The following POF1B variants were observed in gnomAD, a reference collection of about 807,000 sequenced individuals.
POF1B encodes POF1B actin binding protein.
POF1B carries 53 observed loss-of-function variants against 55.3 expected under a neutral mutation model. That is an observed-to-expected ratio of 0.96 (90% CI 0.77 to 1.20). The LOEUF is 1.20. Ranked by LOEUF, POF1B falls within the 50% of genes most tolerant of loss-of-function variation. The pLI is 0.00. For synonymous variants in POF1B, 188 were observed against 148.3 expected, an observed-to-expected ratio of 1.27 and a Z score of -1.95; for missense variants, 478 against 420.5, an observed-to-expected ratio of 1.14 and a Z score of -1.20.
chrX:85,305,667 T>C, intron 13 of POF1B, 124 bp downstream of exon 13: 1 of 695,598 alleles, frequency 1.4e-6, no homozygotes, highest in Non-Finnish European at 2.1e-6. Context: ...AATGAATACA[T>C]GACATATTTC....
chrX:85,300,530 A>G (rs904084568), intron 15 of POF1B, among the ~76,000 whole-genome samples: 15 of 112,618 alleles, frequency 1.3e-4, no homozygotes, highest in South Asian at 3.7e-4. Context: ...ACTAAGCAAA[A>G]GACAATAACA....
intron 15 of POF1B, among the ~76,000 whole-genome samples, chrX:85,286,215 G>A (rs1044922100): frequency 9.0e-6 from 1 of 111,204 alleles, no homozygotes; most frequent in Non-Finnish European, 1.9e-5. Context: ...TTACAGAGTT[G>A]TTATGCTACA....
chrX:85,324,084 T>A (rs1273819449), intron 7 of POF1B, among the ~76,000 whole-genome samples: 1 of 111,800 alleles, frequency 8.9e-6, no homozygotes, highest in African/African-American at 3.2e-5. Context: ...AAGATTGTAG[T>A]TGTTGTTATT....
chrX:85,323,607 A>C (rs1181242097), intron 7 of POF1B, among the ~76,000 whole-genome samples: 1 of 105,208 alleles, frequency 9.5e-6, no homozygotes, highest in Non-Finnish European at 2.0e-5. Flanking sequence ...ATAATAAAAT[A>C]AAAAATAAAA....
intron 6 of POF1B, among the ~76,000 whole-genome samples, chrX:85,332,642 A>G (rs1218751807): frequency 1.8e-5 from 2 of 111,560 alleles, no homozygotes; most frequent in African/African-American, 6.5e-5. Context: ...AAAACTGTAC[A>G]TTCTAAGGCA....
chrX:85,327,326 T>A (rs1224408063), intron 7 of POF1B, among the ~76,000 whole-genome samples: 1 of 111,475 alleles, frequency 9.0e-6, no homozygotes, highest in Non-Finnish European at 1.9e-5. Context: ...GCCCCCATAA[T>A]ATTTATTTTA....
At chrX:85,377,272 T>A (rs1415269685) in intron 2 of POF1B, among the ~76,000 whole-genome samples, 1 of 111,516 alleles carries the variant, frequency 9.0e-6, no homozygotes, top group Non-Finnish European at 1.9e-5. Context: ...ACAATGCCAT[T>A]CCATCAATAA....
intron 15 of POF1B, among the ~76,000 whole-genome samples, chrX:85,291,484 G>T (rs1289580518): frequency 8.9e-6 from 1 of 112,154 alleles, no homozygotes; most frequent in Admixed American, 9.4e-5. Context: ...GTCAAAGATA[G>T]TTAAATGGAA....
At chrX:85,346,368 G>T (rs1387804810) in intron 5 of POF1B, among the ~76,000 whole-genome samples, 1 of 109,539 alleles carries the variant, frequency 9.1e-6, no homozygotes, top group African/African-American at 3.3e-5. Context: ...TTACTTTGAT[G>T]ATTCAGTAGG....
At chrX:85,361,291 C>G (rs1428096372) in intron 3 of POF1B, among the ~76,000 whole-genome samples, 3 of 110,427 alleles carry the variant, frequency 2.7e-5, no homozygotes, top group African/African-American at 6.6e-5. Context: ...GTTTCTATGT[C>G]CAGAATGGTA....
rs1361070524 is a variant in POF1B, at chrX:85,277,906, C to T, written c.*1515G>A. ...ACATAGTACACTTTTGTTACAGTTA[C>T]ATATATGAATAGTTAGCAGAGGAGA... On this transcript the variant is annotated 3_prime_UTR_variant, in exon 17 of 17. Transcript: ENST00000262753. 9.0e-6 allele frequency: 1 copy of T among 110,873 alleles called. No homozygotes were observed. The highest frequency in any genetic ancestry group is 3.3e-5 in the African/African-American group (1 of 30,542). 9.1% of individuals were successfully genotyped at this position (110,873 alleles called of 1,213,427 possible).
chrX:85,337,010 G>T (rs189021880), intron 6 of POF1B, among the ~76,000 whole-genome samples: 1 of 111,295 alleles, frequency 9.0e-6, no homozygotes, highest in Non-Finnish European at 1.9e-5. Flanking sequence ...CATCCTTTGC[G>T]TATGGATACC....
chrX:85,324,332 G>C (rs183378214), intron 7 of POF1B, among the ~76,000 whole-genome samples: 1 of 110,677 alleles, frequency 9.0e-6, no homozygotes, highest in Admixed American at 9.6e-5. Context: ...GTCTCCCACT[G>C]TTATTGTGTT....
At chrX:85,294,599 A>G (rs1375192915) in intron 15 of POF1B, among the ~76,000 whole-genome samples, 4 of 111,907 alleles carry the variant, frequency 3.6e-5, no homozygotes, top group African/African-American at 9.7e-5. Flanking sequence ...TTTTTGTTGT[A>G]CTGCTGGATT....
rs764947246 is a variant in POF1B at position 85,320,008 on chromosome X, T to C, written c.855-4274A>G. ...TGAATGCATCTATCTGGTTTTGGGC[T>C]TTTTCTATTTGCTAGGCTCTTTATT... is the stretch of plus-strand genomic sequence containing the variant. On this transcript the variant is annotated intron_variant, in intron 7 of 16. Transcript: ENST00000262753. Among the ~76,000 whole-genome samples, 7 of 111,187 alleles carry C rather than the reference T, an allele frequency of 6.3e-5. No individual in the cohort carries two copies. The East Asian group carries it at 2.0e-3, about 32-fold the overall frequency.
At chrX:85,324,132 C>T (rs1007055898) in intron 7 of POF1B, among the ~76,000 whole-genome samples, 1 of 111,703 alleles carries the variant, frequency 9.0e-6, no homozygotes, top group Non-Finnish European at 1.9e-5. Context: ...GCTTTATGCT[C>T]AATTTTTGGG....
chrX:85,357,468 C>T (rs1569296709), intron 4 of POF1B, among the ~76,000 whole-genome samples: 1 of 111,010 alleles, frequency 9.0e-6, no homozygotes, highest in African/African-American at 3.3e-5. Flanking sequence ...CAATTCATCT[C>T]ATCTTCTCAC....
chrX:85,311,894 T>C (rs184635426), intron 9 of POF1B, among the ~76,000 whole-genome samples: 5 of 112,447 alleles, frequency 4.4e-5, no homozygotes, highest in Admixed American at 1.9e-4. Context: ...TGGTATCTCA[T>C]TGTGGTTTTG....
intron 3 of POF1B, among the ~76,000 whole-genome samples, chrX:85,367,354 C>G (rs769658208): frequency 1.8e-5 from 2 of 111,446 alleles, no homozygotes; most frequent in East Asian, 5.7e-4. Context: ...TGAATATGAA[C>G]TCATAATACT....
Sources: allele counts gnomAD v4.1 joint callset (sites outside exome capture counted in the v4.1 genomes callset), GRCh38; gene constraint gnomAD v4.1.1; transcripts MANE v1.5; gene names NCBI Gene and HGNC (gene_info 2026-07-23, HGNC 2026-07-21).